TGFB3: variants seen among roughly 807,000 people sequenced by gnomAD.
The protein encoded by TGFB3 is transforming growth factor beta-3 proprotein.
In TGFB3, 5 loss-of-function variants were observed where a neutral mutation model predicts 40.1. That is an observed-to-expected ratio of 0.12 (90% CI 0.07 to 0.26). TGFB3 has a LOEUF of 0.26. TGFB3 is among the 10% of genes least tolerant of loss of function. The pLI, the probability that TGFB3 is intolerant of heterozygous loss-of-function variation, is 1.00. For synonymous variants in TGFB3, 184 were observed against 205.6 expected (o/e 0.89, Z 0.90); for missense variants, 373 against 530.1 (o/e 0.70, Z 2.91).
At chr14:75,968,349 A>C (rs2035246107) in intron 3 of TGFB3, among the ~76,000 whole-genome samples, 1 of 150,108 alleles carries the variant, frequency 6.7e-6, no homozygotes, top group Non-Finnish European at 1.5e-5. Flanking sequence ...GTATCTGCCT[A>C]AGTGTGAACT....
At chr14:75,961,217 T>G in intron 5 of TGFB3, 141 bp from the exon 6 acceptor site, 1 of 953,660 alleles carries the variant, frequency 1.0e-6, no homozygotes, top group Non-Finnish European at 1.6e-6. Flanking sequence ...TTCAAGGGCA[T>G]GGGGCAGAAG....
Position 75,978,359 on chromosome 14 carries a change from G to A in TGFB3, c.352+2183C>T, listed in dbSNP as rs138525206. On this transcript the variant is annotated intron_variant, in intron 1 of 6. Coordinates refer to ENST00000238682, the MANE Select transcript of TGFB3 (RefSeq NM_003239.5). This position sits in a 1 kb window ranked among gnomAD's most constrained non-coding sequence, Gnocchi z 5.0. ...GGCTCTCTGCTCCTGCTCAGCACCT[G>A]CCCACTGCCTTCTTTATAGTTAGTG... Among the ~76,000 whole-genome samples, 72 of 152,178 alleles carry A rather than the reference G, an allele frequency of 4.7e-4. No homozygotes were observed. In the East Asian group the frequency reaches 0.012, roughly 26 times the overall value.
At chr14:75,966,851 G>T (rs2035227249) in intron 3 of TGFB3, 1 of 152,278 alleles carries the variant, frequency 6.6e-6, no homozygotes, top group African/African-American at 2.4e-5. Context: ...GTAGGATCTG[G>T]TATCATGTCA....
chr14:75,962,521 C>T (rs1439269685), intron 5 of TGFB3, among the ~76,000 whole-genome samples: 1 of 152,210 alleles, frequency 6.6e-6, no homozygotes, highest in African/African-American at 2.4e-5. Flanking sequence ...GACTCACTCA[C>T]TCATGCTCCT....
intron 5 of TGFB3, 114 bp downstream of exon 5, chr14:75,963,202 T>G: frequency 8.5e-7 from 1 of 1,172,320 alleles, no homozygotes; most frequent in Non-Finnish European, 1.3e-6. Context: ...CTGGAGATGT[T>G]TGTGAATAGC....
chr14:75,971,276 T>G lies in TGFB3; in HGVS notation c.517-21A>C. 6.2e-7 allele frequency: 1 copy of G among 1,613,464 alleles called. No homozygotes were observed. Among genetic ancestry groups the G allele is most frequent in the Admixed American group, 1.7e-5 (1 of 59,960 alleles). Reference sequence around the variant, plus strand: ...AGGATCTACAGGGCAGAGAAAGGAGTGAGTACCCGAGACCAGGACAGAGTG... The same window carrying G: ...AGGATCTACAGGGCAGAGAAAGGAGGGAGTACCCGAGACCAGGACAGAGTG... On this transcript the variant is annotated intron_variant, in intron 2 of 6. Coordinates refer to ENST00000238682, the MANE Select transcript of TGFB3 (RefSeq NM_003239.5). The surrounding 1 kb of genome is among the most constrained non-coding windows in gnomAD (Gnocchi z 4.5).
intron 1 of TGFB3, among the ~76,000 whole-genome samples, chr14:75,974,236 G>A (rs1441468879): frequency 1.3e-5 from 2 of 152,144 alleles, no homozygotes; most frequent in Non-Finnish European, 2.9e-5. Flanking sequence ...AAAGTTATGA[G>A]CTAAGAGAGT....
intron 3 of TGFB3, among the ~76,000 whole-genome samples, chr14:75,968,231 A>G (rs1163988639): frequency 6.6e-6 from 1 of 152,164 alleles, no homozygotes; most frequent in Non-Finnish European, 1.5e-5. Flanking sequence ...AACTGCTCCA[A>G]TTTGGAGTCC....
rs970121058 is a variant in TGFB3, at chr14:75,971,853, G to A, written c.353-135C>T. 6.8e-6 allele frequency: 6 copies of A among 887,280 alleles called. No homozygotes were observed. Among genetic ancestry groups the A allele is most frequent in the East Asian group, 2.6e-5 (1 of 38,250 alleles). 55.0% of individuals were successfully genotyped at this position (887,280 alleles called of 1,614,324 possible). A position where few individuals can be genotyped will look rare whatever the true frequency, so the allele number is the denominator to read the frequency against. ...GAGGCTTGAGGCCTCAGACCGCAAG[G>A]TGGAGATACGAGGAAGATTCTTGGT... On this transcript the variant is annotated intron_variant, in intron 1 of 6. Transcript: ENST00000238682. This position sits in a 1 kb window ranked among gnomAD's most constrained non-coding sequence, Gnocchi z 4.5.
intron 1 of TGFB3, among the ~76,000 whole-genome samples, chr14:75,973,354 C>T (rs527434746): frequency 5.3e-5 from 8 of 152,264 alleles, no homozygotes; most frequent in South Asian, 4.1e-4. Context: ...GTGGGCCTGA[C>T]GCTGGTTCTT....
chr14:75,958,918 T>A lies in TGFB3; in HGVS notation c.*269A>T. ...TTACCATCCCTTTCCTCTATCCCCATCCCCTCTGTCTGCGTCACAGAAAGT... is the reference window on the plus strand; with the variant it reads ...TTACCATCCCTTTCCTCTATCCCCAACCCCTCTGTCTGCGTCACAGAAAGT... On this transcript the variant is annotated 3_prime_UTR_variant, in exon 7 of 7. Coordinates refer to ENST00000238682, the MANE Select transcript of TGFB3 (RefSeq NM_003239.5). 4.3e-6 allele frequency: 2 copies of A among 462,424 alleles called. No homozygotes were observed. The allele number at this position is 462,424 out of a possible 1,614,324, so 28.6% of individuals were successfully genotyped here. A position where few individuals can be genotyped will look rare whatever the true frequency, so the allele number is the denominator to read the frequency against.
intron 3 of TGFB3, among the ~76,000 whole-genome samples, chr14:75,967,290 G>A (rs537576517): frequency 1.8e-4 from 28 of 152,298 alleles, no homozygotes; most frequent in African/African-American, 5.1e-4. Context: ...GGCACACTGC[G>A]CCTGCTGAGC....
intron 6 of TGFB3, among the ~76,000 whole-genome samples, chr14:75,960,027 C>T (rs1003551609): frequency 7.9e-6 from 1 of 126,020 alleles, no homozygotes; most frequent in Non-Finnish European, 1.6e-5. Context: ...ACTGCAACTT[C>T]CGCCTCCTGG....
intron 4 of TGFB3, 97 bp from the exon 5 acceptor site, chr14:75,963,584 G>C (rs1595339365): frequency 1.4e-6 from 2 of 1,455,804 alleles, no homozygotes; most frequent in Non-Finnish European, 9.6e-7. Flanking sequence ...CCAGGAGGAG[G>C]GGCAGTGCAG....
intron 6 of TGFB3, 130 bp downstream of exon 6, chr14:75,960,793 C>A: frequency 1.6e-6 from 2 of 1,273,374 alleles, no homozygotes; most frequent in Non-Finnish European, 2.2e-6. Flanking sequence ...TCAGAACCTT[C>A]ACCAGAGGAA....
At position 75,966,178 on chromosome 14, in the gene TGFB3, G is replaced by C. The variant is rs111535163; in HGVS notation, c.647-483C>G. 18 of 193,908 alleles carry C rather than the reference G, an allele frequency of 9.3e-5. 1 individual carries two copies. Among genetic ancestry groups the C allele is most frequent in the African/African-American group, 4.2e-4 (18 of 42,816 alleles). 12.0% of individuals were successfully genotyped at this position (193,908 alleles called of 1,614,324 possible). A position where few individuals can be genotyped will look rare whatever the true frequency, so the allele number is the denominator to read the frequency against. On this transcript the variant is annotated intron_variant, in intron 3 of 6. Coordinates refer to ENST00000238682, the MANE Select transcript of TGFB3 (RefSeq NM_003239.5). Reference sequence around the variant, plus strand: ...GACAGGGAGTAACTAAAGAGTCTCCGAGCACAGAGACTGTGATTCAAAAGG... The same window carrying C: ...GACAGGGAGTAACTAAAGAGTCTCCCAGCACAGAGACTGTGATTCAAAAGG...
At position 75,978,030 on chromosome 14, in the gene TGFB3, G is replaced by A. The variant is rs970501601; in HGVS notation, c.352+2512C>T. 3.3e-5 allele frequency among the ~76,000 whole-genome samples: 5 copies of A among 152,016 alleles called. No homozygotes were observed. The highest frequency in any genetic ancestry group is 1.2e-4 in the African/African-American group (5 of 41,384). On this transcript the variant is annotated intron_variant, in intron 1 of 6. Transcript: ENST00000238682. This position sits in a 1 kb window ranked among gnomAD's most constrained non-coding sequence, Gnocchi z 5.0. ...CCTTCCTCTCTGCTCTCACCTTGGTGCCCTTTCTCCTGCACTACTAAAAAG... is the reference window on the plus strand; with the variant it reads ...CCTTCCTCTCTGCTCTCACCTTGGTACCCTTTCTCCTGCACTACTAAAAAG...
chr14:75,962,050 A>G (rs2035163911), intron 5 of TGFB3, among the ~76,000 whole-genome samples: 1 of 152,184 alleles, frequency 6.6e-6, no homozygotes, highest in Admixed American at 6.5e-5. Flanking sequence ...AATGTGGACA[A>G]GGTGCCTGAA....
intron 5 of TGFB3, among the ~76,000 whole-genome samples, chr14:75,962,449 G>A (rs955647262): frequency 2.0e-5 from 3 of 152,150 alleles, no homozygotes; most frequent in African/African-American, 7.2e-5. Context: ...ATGGTTTCCA[G>A]ATCTAAATAT....
Sources: gnomAD v4.1 joint callset for allele counts (sites outside exome capture counted in the v4.1 genomes callset) on GRCh38, gnomAD v4.1.1 for gene constraint, Gnocchi (gnomAD v3.1) non-coding constraint, MANE v1.5 for transcripts, NCBI Gene and HGNC (gene_info 2026-07-23, HGNC 2026-07-21) for gene names.